Variants in ANXA7 observed in about 807,000 individuals in gnomAD.
ANXA7 encodes the protein annexin A7, also known as annexin VII.
A neutral mutation model predicts 64.9 loss-of-function variants in ANXA7; 55 were observed. That is an observed-to-expected ratio of 0.85 (90% CI 0.68 to 1.06). The LOEUF is 1.06. Among genes scored for constraint, ANXA7 ranks in the 50% least tolerant of loss-of-function variants. The pLI is 0.00. For missense variants in ANXA7, 548 were observed against 582.1 expected (o/e 0.94, Z 0.60); for synonymous variants, 200 against 192.4 (o/e 1.04, Z -0.33).
At chr10:73,407,269 G>A (rs1057100411) in intron 1 of ANXA7, among the ~76,000 whole-genome samples, 1 of 152,062 alleles carries the variant, frequency 6.6e-6, no homozygotes, top group African/African-American at 2.4e-5. Context: ...TGGAGACGGA[G>A]TTTCACCATG....
chr10:73,387,587 CT>C, intron 7 of ANXA7, 101 bp downstream of exon 7: 2 of 908,540 alleles, frequency 2.2e-6, no homozygotes, highest in Non-Finnish European at 1.8e-6. Flanking sequence ...AGTTGTCCCT[CT>C]TTTGCACCAC....
At position 73,396,221 on chromosome 10, in the gene ANXA7, G is replaced by C. The variant is rs532646495; in HGVS notation, c.435+298C>G. 366 of 709,342 alleles carry C rather than the reference G, an allele frequency of 5.2e-4. 2 individuals carry two copies. In the African/African-American group the frequency reaches 5.9e-3, roughly 11 times the overall value. The allele number at this position is 709,342 out of a possible 1,614,324, so 43.9% of individuals were successfully genotyped here. A position where few individuals can be genotyped will look rare whatever the true frequency, so the allele number is the denominator to read the frequency against. Reference sequence around the variant, plus strand: ...GCCACCCAAATTCATAGGTGTAACTGCTGGTAAGGGCAAGGAAGAGGAAAA... The same window carrying C: ...GCCACCCAAATTCATAGGTGTAACTCCTGGTAAGGGCAAGGAAGAGGAAAA... On this transcript the variant is annotated intron_variant, in intron 5 of 12. Transcript: ENST00000372921.
At position 73,400,511 on chromosome 10, in the gene ANXA7, T is replaced by A. The variant is rs1477178038; in HGVS notation, c.54+292A>T. Among the ~76,000 whole-genome samples the A allele has an allele frequency of 2.6e-5, 4 of 152,176 alleles. No individual in the cohort carries two copies. In the East Asian group the frequency reaches 7.7e-4, roughly 29 times the overall value. ...CCTAAATTTTGAACCTTTGGGCAAT[T>A]TCACATAGAACCCAAGTTTCTGGCT... On this transcript the variant is annotated intron_variant, in intron 2 of 12. Coordinates refer to ENST00000372921, the MANE Select transcript of ANXA7 (RefSeq NM_001156.5).
At chr10:73,409,363 C>T (rs981110144) in intron 1 of ANXA7, among the ~76,000 whole-genome samples, 1 of 152,144 alleles carries the variant, frequency 6.6e-6, no homozygotes, top group Admixed American at 6.5e-5. Context: ...CTGCTATATA[C>T]CAAAAACGTC....
chr10:73,396,166 T>G, intron 5 of ANXA7: 1 of 1,105,552 alleles, frequency 9.0e-7, no homozygotes, highest in South Asian at 1.3e-5. Flanking sequence ...CCACCCTACA[T>G]AAATCACTGT....
At chr10:73,407,224 G>A (rs1031553320) in intron 1 of ANXA7, among the ~76,000 whole-genome samples, 8 of 152,142 alleles carry the variant, frequency 5.3e-5, no homozygotes, top group Admixed American at 1.3e-4. Flanking sequence ...CTACAGGTGC[G>A]CACTACCACA....
chr10:73,397,138 T>G, intron 4 of ANXA7, 26 bp downstream of exon 4: 1 of 1,346,984 alleles, frequency 7.4e-7, no homozygotes, highest in Admixed American at 2.5e-5. Context: ...CATGATACTG[T>G]TTTTTTCTGG....
At chr10:73,394,145 T>C (rs1401270956) in intron 5 of ANXA7, among the ~76,000 whole-genome samples, 27 of 152,048 alleles carry the variant, frequency 1.8e-4, no homozygotes, top group Non-Finnish European at 3.4e-4. Context: ...GAAATGCAAA[T>C]CAAAACCACA....
In ANXA7 at chr10:73,379,167, A is replaced by G. The variant is rs1190019904; in HGVS notation, c.1166-144T>C. On this transcript the variant is annotated intron_variant, in intron 11 of 12. Transcript: ENST00000372921. ...CATGGGGTGAGTTAAGAGTGTTCAGATGCTCTCCTTGATTTTTTTTGAGAC... is the reference window on the plus strand; with the variant it reads ...CATGGGGTGAGTTAAGAGTGTTCAGGTGCTCTCCTTGATTTTTTTTGAGAC... 5 of 550,326 alleles carry G rather than the reference A, an allele frequency of 9.1e-6. No homozygotes were observed. In the East Asian group the frequency reaches 1.4e-4, roughly 16 times the overall value. The allele number at this position is 550,326 out of a possible 1,614,324, so 34.1% of individuals were successfully genotyped here.
At chr10:73,387,653 C>T (rs1480774056) in intron 7 of ANXA7, 36 bp downstream of exon 7, 3 of 1,455,142 alleles carry the variant, frequency 2.1e-6, no homozygotes, top group African/African-American at 2.8e-5. Flanking sequence ...GTCTACCAGC[C>T]ACTGCTGGTG....
intron 3 of ANXA7, among the ~76,000 whole-genome samples, chr10:73,397,920 C>G (rs2055601796): frequency 6.6e-6 from 1 of 152,120 alleles, no homozygotes; most frequent in Admixed American, 6.6e-5. Context: ...TACAAACAAG[C>G]AAAGTGTTAC....
chr10:73,377,036 G>A (rs916540019), intron 12 of ANXA7, among the ~76,000 whole-genome samples: 2 of 152,138 alleles, frequency 1.3e-5, no homozygotes, highest in Non-Finnish European at 2.9e-5. Flanking sequence ...TACTGTTTAA[G>A]GAGTATGGAT....
Position 73,375,259 on chromosome 10 carries a change from G to C in ANXA7, c.*836C>G, listed in dbSNP as rs762320361. The C allele has an allele frequency of 3.3e-5, 5 of 152,156 alleles. No homozygotes were observed. The highest frequency in any genetic ancestry group is 1.3e-4 in the Admixed American group (2 of 15,272). The allele number at this position is 152,156 out of a possible 1,614,324, so 9.4% of individuals were successfully genotyped here. ...TGCTAGAGGTTTAATGTAGAGCACA[G>C]TATCTATAGTTAATAATGTACTGAA... is the stretch of plus-strand genomic sequence containing the variant. On this transcript the variant is annotated 3_prime_UTR_variant, in exon 13 of 13. Coordinates refer to ENST00000372921, the MANE Select transcript of ANXA7 (RefSeq NM_001156.5).
chr10:73,383,764 C>CA (rs371178255), intron 7 of ANXA7, 74 bp from the exon 8 acceptor site: 5 of 935,782 alleles, frequency 5.3e-6, no homozygotes, highest in South Asian at 1.5e-5. Context: ...AAGGAAAATA[C>CA]AAAAAAAGAA....
chr10:73,382,405 C>T (rs1040922482), intron 9 of ANXA7, among the ~76,000 whole-genome samples: 2 of 152,100 alleles, frequency 1.3e-5, no homozygotes, highest in South Asian at 4.2e-4. Context: ...TGCAGTGGTG[C>T]GATCACAGTT....
intron 9 of ANXA7, 34 bp downstream of exon 9, chr10:73,383,141 T>A (rs751899404): frequency 6.4e-7 from 1 of 1,553,586 alleles, no homozygotes; most frequent in South Asian, 1.2e-5. Context: ...GTATGTTCCC[T>A]CTATCAACGC....
intron 1 of ANXA7, among the ~76,000 whole-genome samples, chr10:73,412,132 G>A (rs1589669704): frequency 6.6e-6 from 1 of 152,152 alleles, no homozygotes; most frequent in East Asian, 1.9e-4. Flanking sequence ...CGCCTCCGGG[G>A]TTCAAGAGAT....
At chr10:73,385,507 C>G (rs557925371) in intron 7 of ANXA7, among the ~76,000 whole-genome samples, 4 of 152,146 alleles carry the variant, frequency 2.6e-5, no homozygotes, top group African/African-American at 9.6e-5. Context: ...TAGGACAAAG[C>G]ATACAGAATA....
Position 73,383,333 on chromosome 10 carries a change from G to T in ANXA7, c.760C>A (p.Gln254Lys). 6.2e-7 allele frequency: 1 copy of T among 1,613,104 alleles called. No homozygotes were observed. Among genetic ancestry groups the T allele is most frequent in the Non-Finnish European group, 8.5e-7 (1 of 1,179,416 alleles). Residue 254 changes from glutamine (Q) to lysine (K), a missense_variant, in exon 9 of 13, where the codon CAG becomes AAG. Gln to Lys is a moderately conservative substitution (Grantham distance 53, BLOSUM62 1). Transcript: ENST00000372921. ...AAAATCTCAATCAATACACGTTCCT[G>T]AGTTCCTGCTCCCTACATGAAATGA... Reference protein sequence around the residue: ...LRKAMQGAGTQERVLIEILCT... With the variant: ...LRKAMQGAGTKERVLIEILCT...
Sources: gnomAD v4.1 joint callset for allele counts (sites outside exome capture counted in the v4.1 genomes callset) on GRCh38, gnomAD v4.1.1 for gene constraint, MANE v1.5 for transcripts, NCBI Gene and HGNC (gene_info 2026-07-23, HGNC 2026-07-21) for gene names.